The following ZNF664 variants were observed in gnomAD, a reference collection of about 807,000 sequenced individuals.
The protein encoded by ZNF664 is zinc finger protein 664.
ZNF664 carries 10 observed loss-of-function variants against 18.2 expected under a neutral mutation model. The ratio of observed to expected loss-of-function variants is 0.55; its 90% CI spans 0.34 to 0.93. ZNF664 has a LOEUF of 0.93. Among genes scored for constraint, ZNF664 ranks in the 40% least tolerant of loss-of-function variants. ZNF664 has a pLI of 0.02. For missense variants in ZNF664, 193 were observed against 319.0 expected (o/e 0.61, Z 3.01); for synonymous variants, 119 against 104.2 (o/e 1.14, Z -0.86).
chr12:124,004,064 G>A (rs1218747778), intron 3 of ZNF664, among the ~76,000 whole-genome samples: 1 of 152,200 alleles, frequency 6.6e-6, no homozygotes, highest in Non-Finnish European at 1.5e-5. Context: ...AGGCCACTGG[G>A]TGCAAGCCTA....
intron 3 of ZNF664, among the ~76,000 whole-genome samples, chr12:124,005,483 ATG>A (rs202223166): frequency 0.023 from 3,336 of 142,876 alleles, 54 homozygotes; most frequent in Middle Eastern, 0.049. Flanking sequence ...AATTTATAGA[ATG>A]TGTGTGTGTG....
chr12:123,996,135 AAAGT>A (rs1276203226), intron 3 of ZNF664, among the ~76,000 whole-genome samples: 6 of 152,242 alleles, frequency 3.9e-5, no homozygotes, highest in South Asian at 2.1e-4. Context: ...TTGAAGAAAG[AAAGT>A]ATGTATTGAG....
chr12:123,976,323 C>T (rs959377028), intron 2 of ZNF664, among the ~76,000 whole-genome samples: 5 of 152,076 alleles, frequency 3.3e-5, no homozygotes, highest in South Asian at 2.1e-4. Flanking sequence ...TTGAAGAGTG[C>T]GTAGGTGTTA....
At position 124,013,208 on chromosome 12, in the gene ZNF664, A is replaced by G. The variant is rs1203169575; in HGVS notation, c.*278A>G. 1 of 458,152 alleles carries G rather than the reference A, an allele frequency of 2.2e-6. No homozygotes were observed. The highest frequency in any genetic ancestry group is 3.9e-5 in the Admixed American group (1 of 25,498). The allele number at this position is 458,152 out of a possible 1,614,324, so 28.4% of individuals were successfully genotyped here. On this transcript the variant is annotated 3_prime_UTR_variant, in exon 5 of 5. Transcript: ENST00000337815. ...CCAGCACGATGCCTCCATAGTTGAAAGACTACACAAAAAGCCACAATCATT... is the reference window on the plus strand; with the variant it reads ...CCAGCACGATGCCTCCATAGTTGAAGGACTACACAAAAAGCCACAATCATT...
chr12:124,008,285 T>C (rs1430686434), intron 3 of ZNF664, among the ~76,000 whole-genome samples: 2 of 152,170 alleles, frequency 1.3e-5, no homozygotes, highest in Non-Finnish European at 2.9e-5. Context: ...CTTGATTAGG[T>C]TTTGCTTCAG....
chr12:123,998,876 T>TG (rs1349339495), intron 3 of ZNF664: 2 of 152,556 alleles, frequency 1.3e-5, no homozygotes, highest in Admixed American at 6.5e-5. Context: ...CTTCCAGGAC[T>TG]GTTGCCTCAA....
At chr12:123,988,337 C>G (rs1956848517) in intron 3 of ZNF664, among the ~76,000 whole-genome samples, 199 bp downstream of exon 3, 1 of 152,232 alleles carries the variant, frequency 6.6e-6, no homozygotes, top group South Asian at 2.1e-4. Flanking sequence ...ACCTTCCTTA[C>G]TCTAAAGATG....
At chr12:123,992,273 T>C (rs1956897782) in intron 3 of ZNF664, among the ~76,000 whole-genome samples, 2 of 152,184 alleles carry the variant, frequency 1.3e-5, no homozygotes, top group African/African-American at 4.8e-5. Context: ...AGGACTGTTG[T>C]CAGTTTCTCT....
chr12:123,994,958 A>G (rs763438035), intron 3 of ZNF664, among the ~76,000 whole-genome samples: 2 of 152,232 alleles, frequency 1.3e-5, no homozygotes, highest in Non-Finnish European at 2.9e-5. Flanking sequence ...TAGTTTATTC[A>G]GGAAGGGTTT....
At chr12:123,982,168 AG>A (rs1348449831) in intron 2 of ZNF664, among the ~76,000 whole-genome samples, 5 of 152,304 alleles carry the variant, frequency 3.3e-5, no homozygotes, top group Non-Finnish European at 7.4e-5. Flanking sequence ...AAATAGGCAG[AG>A]TGGTGCCCTT....
chr12:123,991,630 A>C (rs1446420075), intron 3 of ZNF664, among the ~76,000 whole-genome samples: 1 of 152,230 alleles, frequency 6.6e-6, no homozygotes, highest in East Asian at 1.9e-4. Flanking sequence ...ACCGCAGCAA[A>C]GTATTGTAGA....
intron 2 of ZNF664, 133 bp downstream of exon 2, chr12:123,974,153 A>C (rs78766068): frequency 0.033 from 19,051 of 575,320 alleles, 404 homozygotes; most frequent in Non-Finnish European, 0.039. Context: ...CCCCTCCCAG[A>C]CATTTTCCCG....
In ZNF664 at chr12:124,013,118, G is replaced by A. The variant is rs1957151942; in HGVS notation, c.*188G>A. The A allele has an allele frequency of 2.4e-6, 2 of 828,316 alleles. No homozygotes were observed. The highest frequency in any genetic ancestry group is 3.7e-6 in the Non-Finnish European group (2 of 538,944). 51.3% of individuals were successfully genotyped at this position (828,316 alleles called of 1,614,324 possible). On this transcript the variant is annotated 3_prime_UTR_variant, in exon 5 of 5. Coordinates refer to ENST00000337815, the MANE Select transcript of ZNF664 (RefSeq NM_152437.3). ...TGTTCCACAGGTTGACTTTGAATGT[G>A]GACCTCTGAGCATCCACGCAGGATG...
chr12:123,979,861 T>A (rs1314899206), intron 2 of ZNF664, among the ~76,000 whole-genome samples: 2 of 152,148 alleles, frequency 1.3e-5, no homozygotes, highest in African/African-American at 2.4e-5. Flanking sequence ...TTTAAATTTT[T>A]TTTGTAGAGA....
chr12:123,988,246 T>A, intron 3 of ZNF664, 108 bp downstream of exon 3: 1 of 1,046,196 alleles, frequency 9.6e-7, no homozygotes, highest in Non-Finnish European at 1.2e-6. Flanking sequence ...CCCTTTGGGC[T>A]CAGTGAGGAA....
chr12:124,001,464 C>T (rs1409261486), intron 3 of ZNF664, among the ~76,000 whole-genome samples: 1 of 152,196 alleles, frequency 6.6e-6, no homozygotes, highest in East Asian at 1.9e-4. Context: ...TCTCCAGCCC[C>T]GCTGGCCCTG....
chr12:123,975,559 G>A (rs1594536514), intron 2 of ZNF664, among the ~76,000 whole-genome samples: 1 of 152,046 alleles, frequency 6.6e-6, no homozygotes, highest in Admixed American at 6.5e-5. Context: ...CCAGTAGTTA[G>A]GAATGACTAC....
At chr12:123,974,814 A>G (rs1956667584) in intron 2 of ZNF664, among the ~76,000 whole-genome samples, 1 of 152,226 alleles carries the variant, frequency 6.6e-6, no homozygotes, top group Admixed American at 6.5e-5. Flanking sequence ...CATGTTCCAT[A>G]GTTTCAGTAT....
chr12:123,985,185 CAT>C (rs1042366754), intron 2 of ZNF664, among the ~76,000 whole-genome samples: 9 of 152,262 alleles, frequency 5.9e-5, no homozygotes, highest in African/African-American at 1.2e-4. Context: ...CCAGAGAACA[CAT>C]GTCACTTATC....
Sources: allele counts gnomAD v4.1 joint callset (sites outside exome capture counted in the v4.1 genomes callset), GRCh38; gene constraint gnomAD v4.1.1; transcripts MANE v1.5; gene names NCBI Gene and HGNC (gene_info 2026-07-23, HGNC 2026-07-21).